Variants in EFCAB5 observed in about 807,000 individuals in gnomAD.
EFCAB5 encodes the protein EF-hand calcium-binding domain-containing protein 5.
Under a neutral mutation model 167.9 loss-of-function variants are expected in EFCAB5, and 131 were observed. The ratio of observed to expected loss-of-function variants is 0.78; its 90% CI spans 0.68 to 0.90. EFCAB5 has a LOEUF of 0.90. Among genes scored for constraint, EFCAB5 ranks in the 40% least tolerant of loss-of-function variants. The probability of loss-of-function intolerance (pLI) is 0.00; values close to 1 mark genes in which losing one functional copy is unlikely to be tolerated. For missense variants in EFCAB5, 1,663 were observed against 1,745.2 expected, an observed-to-expected ratio of 0.95 and a Z score of 0.84; for synonymous variants, 574 against 602.8, an observed-to-expected ratio of 0.95 and a Z score of 0.70.
At chr17:30,078,568 T>C in intron 15 of EFCAB5, 64 bp downstream of exon 15, 1 of 1,457,986 alleles carries the variant, frequency 6.9e-7, no homozygotes, top group South Asian at 1.5e-5. Flanking sequence ...GTTCAATGTT[T>C]GCAAAAGAGG....
rs752965763 is a variant in EFCAB5, at chr17:30,092,086, G to A, written c.4153G>A (p.Ala1385Thr). The A allele has an allele frequency of 6.2e-7, 1 of 1,613,932 alleles. No individual in the cohort carries two copies. Among genetic ancestry groups the A allele is most frequent in the Non-Finnish European group, 8.5e-7 (1 of 1,179,864 alleles). ...GAAACTAGTGCGTGACATCCTGAAG[G>A]CGGTTATCTTGTTCTTTCATCCAGA... ...NVKLVRDILK[A>T]VILFFHPELE... The change falls in exon 21 of 23, where the codon GCG becomes ACG. Residue 1385 changes from alanine (A) to threonine (T), a missense_variant. Coordinates refer to ENST00000394835, the MANE Select transcript of EFCAB5 (RefSeq NM_198529.4).
In EFCAB5 at chr17:29,999,937, C is replaced by T; in HGVS notation, c.1005C>T (p.Asp335=). 1 of 1,585,584 alleles carries T rather than the reference C, an allele frequency of 6.3e-7. No homozygotes were observed. Among genetic ancestry groups the T allele is most frequent in the Non-Finnish European group, 8.6e-7 (1 of 1,164,386 alleles). The change falls in exon 7 of 23, where the codon GAC becomes GAT. Residue 335 remains aspartate (D), a synonymous_variant. Transcript: ENST00000394835. ...ACTGCAAACAACTGGATATTACTGA[C>T]TCAACAGAACCAAGATTGAACAAAA... The part of the protein sequence containing the change: ...GSHCKQLDIT[D]STEPRLNKME...
intron 15 of EFCAB5, 48 bp from the exon 16 acceptor site, chr17:30,080,024 A>G: frequency 6.4e-7 from 1 of 1,561,518 alleles, no homozygotes; most frequent in Non-Finnish European, 8.6e-7. Context: ...TGATTAGGGG[A>G]GTTCTTTGGC....
chr17:29,936,786 A>G (rs2081297767), upstream of EFCAB5, among the ~76,000 whole-genome samples: 1 of 152,192 alleles, frequency 6.6e-6, no homozygotes, highest in Non-Finnish European at 1.5e-5. Flanking sequence ...CTCGGATACA[A>G]TCAGCATACT....
At chr17:30,035,100 A>G (rs1211518122) in intron 8 of EFCAB5, among the ~76,000 whole-genome samples, 3 of 152,232 alleles carry the variant, frequency 2.0e-5, no homozygotes, top group East Asian at 3.8e-4. Flanking sequence ...ATTGCAATCT[A>G]GGTTCTTAGA....
intron 4 of EFCAB5, among the ~76,000 whole-genome samples, chr17:29,991,434 TTG>T (rs2151632341): frequency 6.6e-6 from 1 of 152,336 alleles, no homozygotes; most frequent in Admixed American, 6.5e-5. Flanking sequence ...GTGATAAACA[TTG>T]TTTCTATAGA....
At chr17:29,959,609 G>A (rs2067681423) in intron 3 of EFCAB5, among the ~76,000 whole-genome samples, 1 of 152,170 alleles carries the variant, frequency 6.6e-6, no homozygotes, top group African/African-American at 2.4e-5. Context: ...GGCCCAGGAT[G>A]TGTCTAAAAT....
At chr17:29,972,057 A>T (rs546112324) in intron 4 of EFCAB5, among the ~76,000 whole-genome samples, 6 of 150,824 alleles carry the variant, frequency 4.0e-5, no homozygotes, top group South Asian at 4.2e-4. Flanking sequence ...TTTTTTTTTT[A>T]AATGGAGTCT....
intron 22 of EFCAB5, among the ~76,000 whole-genome samples, chr17:30,100,506 G>T (rs749296831): frequency 3.3e-5 from 5 of 152,178 alleles, no homozygotes; most frequent in Non-Finnish European, 7.3e-5. Flanking sequence ...GGTGGCTCAC[G>T]CCTGTAATCC....
chr17:29,960,464 C>T (rs2067699267), intron 3 of EFCAB5, among the ~76,000 whole-genome samples: 1 of 152,116 alleles, frequency 6.6e-6, no homozygotes, highest in South Asian at 2.1e-4. Context: ...TTCTGGGATA[C>T]ATGTGCAGGA....
At chr17:30,087,255 T>A (rs2071107850) in intron 19 of EFCAB5, 89 bp downstream of exon 19, 1 of 975,546 alleles carries the variant, frequency 1.0e-6, no homozygotes, top group East Asian at 2.5e-5. Flanking sequence ...TGACTCTTGC[T>A]CATACACGCT....
intron 4 of EFCAB5, among the ~76,000 whole-genome samples, chr17:29,983,616 G>A (rs1253452630): frequency 6.6e-6 from 1 of 152,146 alleles, no homozygotes; most frequent in Non-Finnish European, 1.5e-5. Flanking sequence ...TCTGCTTATA[G>A]GTTATGTCTA....
intron 3 of EFCAB5, among the ~76,000 whole-genome samples, chr17:29,962,185 T>G (rs915692055): frequency 6.6e-6 from 1 of 152,230 alleles, no homozygotes; most frequent in Non-Finnish European, 1.5e-5. Context: ...CTCTGCAGTT[T>G]CATATTAATC....
chr17:29,944,067 G>A (rs1004408550), intron 3 of EFCAB5, among the ~76,000 whole-genome samples: 1 of 152,090 alleles, frequency 6.6e-6, no homozygotes, highest in African/African-American at 2.4e-5. Flanking sequence ...TATAATTTCA[G>A]GGGATATTTT....
At chr17:29,956,795 A>C (rs1477285623) in intron 3 of EFCAB5, among the ~76,000 whole-genome samples, 1 of 152,128 alleles carries the variant, frequency 6.6e-6, no homozygotes, top group African/African-American at 2.4e-5. Flanking sequence ...GTAGTGTTAG[A>C]AGTCACGGGA....
chr17:30,078,233 T>A lies in EFCAB5; in HGVS notation c.2756T>A (p.Phe919Tyr). 1 of 1,612,144 alleles carries A rather than the reference T, an allele frequency of 6.2e-7. No individual in the cohort carries two copies. Among genetic ancestry groups the A allele is most frequent in the Non-Finnish European group, 8.5e-7 (1 of 1,178,678 alleles). The change falls in exon 15 of 23, where the codon TTT (phenylalanine) becomes TAT (tyrosine). Residue 919 changes from phenylalanine (F) to tyrosine (Y), a missense_variant. Phe to Tyr is a conservative substitution (Grantham distance 22). Coordinates refer to ENST00000394835, the MANE Select transcript of EFCAB5 (RefSeq NM_198529.4). ...SMKKAKLHIQ[F>Y]PKPHPGHEVR... ...CTTTTAGCTAAACTACACATCCAAT[T>A]TCCAAAGCCACACCCTGGTCACGAA... is the stretch of plus-strand genomic sequence containing the variant.
intron 20 of EFCAB5, among the ~76,000 whole-genome samples, chr17:30,091,092 A>G (rs1597563457): frequency 6.6e-6 from 1 of 152,338 alleles, no homozygotes; most frequent in Non-Finnish European, 1.5e-5. Context: ...GCTGGATTTG[A>G]ACCTAGATTT....
chr17:30,057,136 G>T (rs761533332), intron 12 of EFCAB5, among the ~76,000 whole-genome samples: 4 of 152,142 alleles, frequency 2.6e-5, no homozygotes, highest in Non-Finnish European at 5.9e-5. Flanking sequence ...TGTTTAACTA[G>T]AAAGTTCAGC....
intron 7 of EFCAB5, among the ~76,000 whole-genome samples, chr17:30,026,330 T>C (rs1016953185): frequency 6.6e-6 from 1 of 151,746 alleles, no homozygotes; most frequent in African/African-American, 2.4e-5. Flanking sequence ...TCTTATCCCT[T>C]AGACTTCAGT....
Sources: allele counts gnomAD v4.1 joint callset (sites outside exome capture counted in the v4.1 genomes callset), GRCh38; gene constraint gnomAD v4.1.1; transcripts MANE v1.5; gene names NCBI Gene and HGNC (gene_info 2026-07-23, HGNC 2026-07-21).